Variants in KIAA1549 observed in about 807,000 individuals in gnomAD.
KIAA1549 encodes KIAA1549, also known as UPF0606 protein KIAA1549.
In KIAA1549, 70 loss-of-function variants were observed where a neutral mutation model predicts 156.4. The ratio of observed to expected loss-of-function variants is 0.45; its 90% confidence interval spans 0.37 to 0.55. The LOEUF (loss-of-function observed/expected upper bound fraction) is 0.55, where lower values mean the gene tolerates loss of function less well. Among genes scored for constraint, KIAA1549 ranks in the 20% least tolerant of loss-of-function variants. The probability of loss-of-function intolerance (pLI) is 0.00; values close to 1 mark genes in which losing one functional copy is unlikely to be tolerated. For synonymous variants in KIAA1549, 1,103 were observed against 1,066.4 expected (o/e 1.03, Z -0.67); for missense variants, 2,428 against 2,540.9 (o/e 0.96, Z 0.96).
At chr7:138,942,245 C>G (rs903937852) in intron 1 of KIAA1549, among the ~76,000 whole-genome samples, 1 of 152,118 alleles carries the variant, frequency 6.6e-6, no homozygotes. Flanking sequence ...TCTTGAGCAG[C>G]TCTGTACAAA....
intron 10 of KIAA1549, among the ~76,000 whole-genome samples, chr7:138,887,392 G>C (rs73729933): frequency 2.4e-4 from 36 of 152,228 alleles, no homozygotes; most frequent in African/African-American, 8.7e-4. Flanking sequence ...CCATGGACTA[G>C]CACCCTGAGT....
At position 138,981,078 on chromosome 7, in the gene KIAA1549, C is replaced by G; in HGVS notation, c.187+5G>C. 8.2e-7 allele frequency: 1 copy of G among 1,224,856 alleles called. No individual in the cohort carries two copies. The highest frequency in any genetic ancestry group is 3.2e-5 in the East Asian group (1 of 31,246). 75.9% of individuals were successfully genotyped at this position (1,224,856 alleles called of 1,614,324 possible). ...CCGCGTTCCGAGGGTCTCGGCGGAGCTTACCTGGGGCGCACGAGGCCGGCC... is the reference window on the plus strand; with the variant it reads ...CCGCGTTCCGAGGGTCTCGGCGGAGGTTACCTGGGGCGCACGAGGCCGGCC... On this transcript the variant is annotated splice_donor_5th_base_variant and intron_variant, in intron 1 of 19. Transcript: ENST00000422774. The surrounding 1 kb of genome is among the most constrained non-coding windows in gnomAD (Gnocchi z 4.5).
In KIAA1549 at chr7:138,915,185, T is replaced by G. The variant is rs57643430; in HGVS notation, c.2878+1563A>C. Among the ~76,000 whole-genome samples the G allele has an allele frequency of 5.2e-3, 798 of 152,262 alleles. 32 individuals are homozygous for G. The East Asian group carries it at 0.093, about 18-fold the overall frequency. ...TTTCTCTTCATCCCCAGATGACAATTCTACTTTTCCTTTTGTGGGAATCCC... is the reference window on the plus strand; with the variant it reads ...TTTCTCTTCATCCCCAGATGACAATGCTACTTTTCCTTTTGTGGGAATCCC... On this transcript the variant is annotated intron_variant, in intron 2 of 19. Coordinates refer to ENST00000422774, the MANE Select transcript of KIAA1549 (RefSeq NM_001164665.2).
chr7:138,899,813 T>G (rs1361648655), intron 8 of KIAA1549, among the ~76,000 whole-genome samples: 1 of 152,214 alleles, frequency 6.6e-6, no homozygotes, highest in Non-Finnish European at 1.5e-5. Flanking sequence ...CATAATCTTG[T>G]GGGTCAAATA....
chr7:138,847,405 A>G (rs1810110166), intron 17 of KIAA1549, among the ~76,000 whole-genome samples: 1 of 152,212 alleles, frequency 6.6e-6, no homozygotes, highest in Non-Finnish European at 1.5e-5. Flanking sequence ...AAGGGCGGAG[A>G]AAAGCAAAGC....
intron 1 of KIAA1549, among the ~76,000 whole-genome samples, chr7:138,953,441 T>A (rs2774973): frequency 0.42 from 63,768 of 151,998 alleles, 17,655 homozygotes; most frequent in African/African-American, 0.8. Flanking sequence ...GAAAAAGGAA[T>A]GATAAAAATA....
chr7:138,901,427 G>C (rs1811839000), intron 8 of KIAA1549, among the ~76,000 whole-genome samples: 1 of 151,498 alleles, frequency 6.6e-6, no homozygotes, highest in Non-Finnish European at 1.5e-5. Flanking sequence ...CCGGGTTCAA[G>C]TGATTCTCAT....
intron 1 of KIAA1549, among the ~76,000 whole-genome samples, chr7:138,926,513 G>A (rs899007265): frequency 2.6e-5 from 4 of 151,906 alleles, no homozygotes; most frequent in Non-Finnish European, 4.4e-5. Context: ...TCAAACTCCC[G>A]ACCTCAAGTG....
At chr7:138,896,094 C>T (rs1305871676) in intron 9 of KIAA1549, among the ~76,000 whole-genome samples, 1 of 152,098 alleles carries the variant, frequency 6.6e-6, no homozygotes, top group Non-Finnish European at 1.5e-5. Context: ...ATTTAAAATG[C>T]TTCCTGTTAT....
At position 138,892,346 on chromosome 7, in the gene KIAA1549, G is replaced by T. The variant is rs186241503; in HGVS notation, c.4032+1996C>A. 2.6e-5 allele frequency among the ~76,000 whole-genome samples: 4 copies of T among 152,314 alleles called. No homozygotes were observed. In the South Asian group the frequency reaches 8.3e-4, roughly 32 times the overall value. The stretch of plus-strand genomic sequence containing the variant: ...GATGGACTTCCATGGCAGTGTATAC[G>T]TTAGGAAATGTGGCCCATAAAAGAC... On this transcript the variant is annotated intron_variant, in intron 10 of 19. Coordinates refer to ENST00000422774, the MANE Select transcript of KIAA1549 (RefSeq NM_001164665.2).
intron 1 of KIAA1549, among the ~76,000 whole-genome samples, chr7:138,949,064 C>G (rs1224740485): frequency 6.6e-6 from 1 of 152,194 alleles, no homozygotes; most frequent in Non-Finnish European, 1.5e-5. Context: ...CTAGGAGTAA[C>G]AGCTCTGTCA....
At chr7:138,849,631 G>A (rs1462466934) in intron 17 of KIAA1549, among the ~76,000 whole-genome samples, 1 of 151,702 alleles carries the variant, frequency 6.6e-6, no homozygotes, top group East Asian at 1.9e-4. Flanking sequence ...AAGTCACAGG[G>A]GTTTGTGGTA....
rs1443188272 is a variant in KIAA1549 at position 138,916,977 on chromosome 7, C to G, written c.2649G>C (p.Val883=). 6.2e-7 allele frequency: 1 copy of G among 1,600,338 alleles called. No individual in the cohort carries two copies. The highest frequency in any genetic ancestry group is 8.5e-7 in the Non-Finnish European group (1 of 1,173,120). ...TEVPLNTSTE[V]STTSTGAATG... is the part of the protein sequence containing the mutation. ...TGGCAGCACCGGTGCTGGTTGTGCT[C>G]ACTTCCGTGGAGGTGTTCAGTGGCA... is the stretch of plus-strand genomic sequence containing the variant. The change falls in exon 2 of 20, where the codon GTG becomes GTC. Residue 883 remains valine (V), a synonymous_variant. Coordinates refer to ENST00000422774, the MANE Select transcript of KIAA1549 (RefSeq NM_001164665.2).
At chr7:138,964,856 G>C (rs1244294680) in intron 1 of KIAA1549, among the ~76,000 whole-genome samples, 1 of 152,176 alleles carries the variant, frequency 6.6e-6, no homozygotes, top group East Asian at 1.9e-4. Flanking sequence ...ATACTGCCTA[G>C]TCCAGCAAGT....
At chr7:138,950,929 CAT>C (rs1220526158) in intron 1 of KIAA1549, among the ~76,000 whole-genome samples, 3 of 151,852 alleles carry the variant, frequency 2.0e-5, no homozygotes, top group African/African-American at 4.8e-5. Flanking sequence ...CATCATGTCA[CAT>C]GAGGTCCCCG....
chr7:138,844,557 G>T (rs765278016), intron 17 of KIAA1549, 83 bp from the exon 18 acceptor site: 12 of 1,270,652 alleles, frequency 9.4e-6, no homozygotes, highest in Admixed American at 3.2e-5. Context: ...CAACCTTACA[G>T]AAGGTAACAC....
chr7:138,886,120 C>G (rs1584730815), intron 10 of KIAA1549, among the ~76,000 whole-genome samples: 1 of 152,154 alleles, frequency 6.6e-6, no homozygotes, highest in East Asian at 1.9e-4. Context: ...CACACACACC[C>G]CTACAGAGTC....
At position 138,832,599 on chromosome 7, in the gene KIAA1549, T is replaced by C. The variant is rs2130306732; in HGVS notation, c.*5307A>G. Reference sequence around the variant, plus strand: ...TAATTATCTACCCTGTGGGAAGCCATTTTAACTATACTGCATTAAGACATT... The same window carrying C: ...TAATTATCTACCCTGTGGGAAGCCACTTTAACTATACTGCATTAAGACATT... On this transcript the variant is annotated 3_prime_UTR_variant, in exon 20 of 20. Transcript: ENST00000422774. 1.4e-5 allele frequency: 3 copies of C among 208,902 alleles called. No homozygotes were observed. The South Asian group carries it at 5.7e-4, about 39-fold the overall frequency. The allele number at this position is 208,902 out of a possible 1,614,324, so 12.9% of individuals were successfully genotyped here. A position where few individuals can be genotyped will look rare whatever the true frequency, so the allele number is the denominator to read the frequency against.
In KIAA1549 at chr7:138,845,543, C is replaced by T. The variant is rs148205433; in HGVS notation, c.5295-1069G>A. ...CTGGTGAACTTTTCGTACTCTGTTACGCTAAAACCCATAGCTCCATCTTGC... is the reference window on the plus strand; with the variant it reads ...CTGGTGAACTTTTCGTACTCTGTTATGCTAAAACCCATAGCTCCATCTTGC... On this transcript the variant is annotated intron_variant, in intron 17 of 19. Coordinates refer to ENST00000422774, the MANE Select transcript of KIAA1549 (RefSeq NM_001164665.2). 1.2e-3 allele frequency among the ~76,000 whole-genome samples: 183 copies of T among 152,298 alleles called. 1 individual carries two copies. Among genetic ancestry groups the T allele is most frequent in the African/African-American group, 3.6e-3 (149 of 41,558 alleles).
Sources: gnomAD v4.1 joint callset for allele counts (sites outside exome capture counted in the v4.1 genomes callset) on GRCh38, gnomAD v4.1.1 for gene constraint, Gnocchi (gnomAD v3.1) non-coding constraint, MANE v1.5 for transcripts, NCBI Gene and HGNC (gene_info 2026-07-23, HGNC 2026-07-21) for gene names.